The following FAT3 variants were observed in gnomAD, a reference collection of about 807,000 sequenced individuals.
FAT3 encodes the protein protocadherin Fat 3.
In FAT3, 95 loss-of-function variants were observed where a neutral mutation model predicts 310.2. That is an observed-to-expected ratio of 0.31 (90% CI 0.26 to 0.36). FAT3 has a LOEUF of 0.36. FAT3 is among the 10% of genes least tolerant of loss of function. FAT3 has a pLI of 1.00. For synonymous variants in FAT3, 2,314 were observed against 2,192.9 expected, an observed-to-expected ratio of 1.06 and a Z score of -1.54; for missense variants, 5,408 against 5,715.6, an observed-to-expected ratio of 0.95 and a Z score of 1.74.
intron 13 of FAT3, among the ~76,000 whole-genome samples, chr11:92,829,629 G>A (rs963230648): frequency 8.5e-5 from 13 of 152,298 alleles, no homozygotes; most frequent in Middle Eastern, 3.4e-3. Flanking sequence ...ACAATAGCCA[G>A]AAAGCACCCC....
At chr11:92,249,224 G>C (rs1865043990) in intron 1 of FAT3, among the ~76,000 whole-genome samples, 1 of 152,100 alleles carries the variant, frequency 6.6e-6, no homozygotes, top group Non-Finnish European at 1.5e-5. Flanking sequence ...CATTACCTCA[G>C]ATGAACTTGC....
At chr11:92,615,028 G>C (rs903918879) in intron 3 of FAT3, among the ~76,000 whole-genome samples, 1 of 152,106 alleles carries the variant, frequency 6.6e-6, no homozygotes, top group Admixed American at 6.6e-5. Flanking sequence ...ATAAATGTAA[G>C]CATTTATTTC....
At chr11:92,292,893 G>T (rs1215313073) in intron 1 of FAT3, among the ~76,000 whole-genome samples, 1 of 151,966 alleles carries the variant, frequency 6.6e-6, no homozygotes, top group Non-Finnish European at 1.5e-5. Context: ...CTCGCTTGTA[G>T]TCACTGCTAT....
At chr11:92,746,415 G>A (rs376799269) in intron 4 of FAT3, among the ~76,000 whole-genome samples, 27 of 152,202 alleles carry the variant, frequency 1.8e-4, no homozygotes, top group Middle Eastern at 3.4e-3. Flanking sequence ...ATGAGAAACC[G>A]CGCCCATGAT....
At chr11:92,604,507 G>A (rs1940183496) in intron 3 of FAT3, among the ~76,000 whole-genome samples, 1 of 152,124 alleles carries the variant, frequency 6.6e-6, no homozygotes, top group African/African-American at 2.4e-5. Flanking sequence ...GCCAACTCAT[G>A]CTATCCTGCA....
intron 2 of FAT3, among the ~76,000 whole-genome samples, chr11:92,524,405 T>TAC (rs932281470): frequency 2.6e-5 from 4 of 152,186 alleles, no homozygotes; most frequent in African/African-American, 9.7e-5. Flanking sequence ...TCAAATAAAG[T>TAC]ATTTGTAAAT....
rs556386497 is a variant in FAT3 at position 92,581,654 on chromosome 11, AG to A, written c.3607+56714del. ...CCAGTTAGCTTATAAAGGTCTGCCAAGGGGGGGGATTATGCCATAAACTTCT... is the reference window on the plus strand; with the variant it reads ...CCAGTTAGCTTATAAAGGTCTGCCAAGGGGGGGATTATGCCATAAACTTCT... On this transcript the variant is annotated intron_variant, in intron 3 of 27. Transcript: ENST00000525166. Among the ~76,000 whole-genome samples, 849 of 151,726 alleles carry A rather than the reference AG, an allele frequency of 5.6e-3. 5 individuals carry two copies. Among genetic ancestry groups the A allele is most frequent in the African/African-American group, 0.019 (799 of 41,380 alleles).
intron 8 of FAT3, among the ~76,000 whole-genome samples, chr11:92,791,603 CT>C (rs1362116059): frequency 2.0e-5 from 3 of 152,152 alleles, no homozygotes; most frequent in Non-Finnish European, 4.4e-5. Context: ...TTTACACTGC[CT>C]TTTTCCTAGC....
chr11:92,836,570 T>C lies in FAT3; in HGVS notation c.10091T>C (p.Ile3364Thr), dbSNP rs761329958. ...TTTTGCTTGTTTTCCATGAAGCTAA[T>C]AGCAGAAGATGTAGACAGCCAGCCC... is the stretch of plus-strand genomic sequence containing the variant. Reference protein sequence around the residue: ...ALVGDSVILLIAEDVDSQPNG... With the variant: ...ALVGDSVILLTAEDVDSQPNG... The change falls in exon 16 of 28, where the codon ATA (isoleucine) becomes ACA (threonine). Residue 3364 changes from isoleucine to threonine, a missense_variant. Around this residue, in one of 5 missense-constraint regions of FAT3, gnomAD observed 4,588 missense variants for 4,809.8 expected, o/e 0.95. Transcript: ENST00000525166. 1.2e-6 allele frequency: 2 copies of C among 1,612,840 alleles called. No homozygotes were observed. Among genetic ancestry groups the C allele is most frequent in the Non-Finnish European group, 1.7e-6 (2 of 1,179,546 alleles).
At chr11:92,293,063 AGG>A (rs1369451488) in intron 1 of FAT3, among the ~76,000 whole-genome samples, 19 of 144,570 alleles carry the variant, frequency 1.3e-4, no homozygotes, top group African/African-American at 4.2e-4. Flanking sequence ...GAAGGAAGGA[AGG>A]AAGGAAGGAA....
At chr11:92,805,554 G>T (rs369253358) in intron 11 of FAT3, among the ~76,000 whole-genome samples, 2 of 139,032 alleles carry the variant, frequency 1.4e-5, no homozygotes, top group East Asian at 4.7e-4. Context: ...ACCTAATTTT[G>T]TACCCTGCCC....
At chr11:92,382,126 G>C (rs1057065366) in intron 2 of FAT3, among the ~76,000 whole-genome samples, 11 of 152,172 alleles carry the variant, frequency 7.2e-5, no homozygotes, top group Admixed American at 2.0e-4. Context: ...AGGGGCAGGA[G>C]CTGGATTTTC....
intron 9 of FAT3, among the ~76,000 whole-genome samples, chr11:92,797,194 C>A (rs1476819984): frequency 6.6e-6 from 1 of 152,184 alleles, no homozygotes; most frequent in East Asian, 1.9e-4. Flanking sequence ...GAAAATTCAT[C>A]ACACTTACAA....
chr11:92,712,529 G>A (rs938583476), intron 4 of FAT3, among the ~76,000 whole-genome samples: 6 of 151,944 alleles, frequency 3.9e-5, no homozygotes, highest in African/African-American at 9.7e-5. Context: ...GACTGTTTTT[G>A]TTTTCTTCCT....
chr11:92,677,409 C>G (rs1174262684), intron 3 of FAT3, among the ~76,000 whole-genome samples: 1 of 152,220 alleles, frequency 6.6e-6, no homozygotes, highest in African/African-American at 2.4e-5. Context: ...AGATTTGAAT[C>G]CAGTCCATTG....
chr11:92,529,124 C>G (rs1165476174), intron 3 of FAT3, among the ~76,000 whole-genome samples: 1 of 152,190 alleles, frequency 6.6e-6, no homozygotes, highest in Non-Finnish European at 1.5e-5. Context: ...ACTTTCTGCA[C>G]TCAGGGAATT....
chr11:92,391,113 G>A (rs12280619), intron 2 of FAT3, among the ~76,000 whole-genome samples: 2 of 152,140 alleles, frequency 1.3e-5, no homozygotes, highest in African/African-American at 4.8e-5. Context: ...GCCTAAGGCT[G>A]TGTAACTGAG....
chr11:92,821,612 A>G (rs879895592), intron 13 of FAT3, among the ~76,000 whole-genome samples: 3 of 152,210 alleles, frequency 2.0e-5, no homozygotes, highest in Non-Finnish European at 4.4e-5. Context: ...TGTCTGTTGT[A>G]GATATCAAAA....
intron 1 of FAT3, among the ~76,000 whole-genome samples, chr11:92,296,624 T>G (rs1946856585): frequency 6.6e-6 from 1 of 152,062 alleles, no homozygotes; most frequent in Non-Finnish European, 1.5e-5. Context: ...TTCATGGGTT[T>G]TTGACAATCA....
Sources: allele counts gnomAD v4.1 joint callset (sites outside exome capture counted in the v4.1 genomes callset), GRCh38; gene constraint gnomAD v4.1.1; regional missense constraint gnomAD v4.1.1; transcripts MANE v1.5; gene names NCBI Gene and HGNC (gene_info 2026-07-23, HGNC 2026-07-21).